The following APOLD1 variants were observed in gnomAD, a reference collection of about 807,000 sequenced individuals.
APOLD1 encodes the protein apolipoprotein L domain-containing protein 1.
In APOLD1, 22 loss-of-function variants were observed where a neutral mutation model predicts 15.3. The ratio of observed to expected loss-of-function variants is 1.44; its 90% CI spans 1.03 to 2.05. The LOEUF is 2.05. APOLD1 is among the 30% of genes most tolerant of loss of function. The pLI is 0.00. For missense variants in APOLD1, 394 were observed against 353.5 expected, an observed-to-expected ratio of 1.11 and a Z score of -0.92; for synonymous variants, 190 against 167.4, an observed-to-expected ratio of 1.13 and a Z score of -1.04.
At chr12:12,771,619 T>C (rs989729602) in intron 1 of APOLD1, 12 of 498,298 alleles carry the variant, frequency 2.4e-5, no homozygotes, top group Non-Finnish European at 4.4e-5. Flanking sequence ...TGTTCTTTGA[T>C]AATTTTCTGC....
intron 1 of APOLD1, among the ~76,000 whole-genome samples, chr12:12,740,774 C>T (rs112513071): frequency 2.6e-5 from 4 of 151,668 alleles, no homozygotes; most frequent in South Asian, 4.2e-4. Context: ...TGCCTCAAAA[C>T]GTAATATTTG....
intron 1 of APOLD1, among the ~76,000 whole-genome samples, chr12:12,775,352 T>C (rs1160264874): frequency 6.6e-6 from 1 of 152,174 alleles, no homozygotes; most frequent in Non-Finnish European, 1.5e-5. Flanking sequence ...AACTACTCTG[T>C]ATGAGACAGT....
intron 1 of APOLD1, among the ~76,000 whole-genome samples, chr12:12,778,938 A>G (rs1156791939): frequency 6.6e-6 from 1 of 152,142 alleles, no homozygotes; most frequent in Non-Finnish European, 1.5e-5. Flanking sequence ...AAAGCCTTCA[A>G]TGGCTCCCTC....
At chr12:12,770,498 A>T in intron 1 of APOLD1, among the ~76,000 whole-genome samples, 1 of 152,104 alleles carries the variant, frequency 6.6e-6, no homozygotes, top group African/African-American at 2.4e-5. Flanking sequence ...CATGCTGAGG[A>T]AAAAATCGCT....
intron 1 of APOLD1, among the ~76,000 whole-genome samples, chr12:12,743,680 C>T (rs1307850624): frequency 6.6e-6 from 1 of 152,154 alleles, no homozygotes; most frequent in Non-Finnish European, 1.5e-5. Flanking sequence ...ATTAAGGTTG[C>T]AAATGGAATT....
intron 1 of APOLD1, among the ~76,000 whole-genome samples, chr12:12,746,912 C>T (rs189044993): frequency 2.6e-5 from 4 of 152,190 alleles, no homozygotes; most frequent in South Asian, 2.1e-4. Flanking sequence ...TCTGTTCCTG[C>T]GTTAATTTGC....
At chr12:12,773,078 C>G (rs1450511315) in intron 1 of APOLD1, among the ~76,000 whole-genome samples, 1 of 150,932 alleles carries the variant, frequency 6.6e-6, no homozygotes, top group Non-Finnish European at 1.5e-5. Context: ...TATCCTGTCT[C>G]TAAAAAAGAA....
intron 1 of APOLD1, among the ~76,000 whole-genome samples, chr12:12,735,953 A>G (rs1168263274): frequency 1.3e-5 from 2 of 152,092 alleles, no homozygotes; most frequent in Admixed American, 6.6e-5. Context: ...TCTCTAAACT[A>G]AAATAAAATA....
intron 1 of APOLD1, among the ~76,000 whole-genome samples, chr12:12,756,419 T>G (rs1399646639): frequency 6.6e-6 from 1 of 152,236 alleles, no homozygotes; most frequent in Non-Finnish European, 1.5e-5. Context: ...CTCTTTTAAT[T>G]TGGTTAATCT....
chr12:12,789,927 C>A lies in APOLD1; in HGVS notation c.*2275C>A, dbSNP rs1209610935. Reference sequence around the variant, plus strand: ...CTATAAATTGCAATTGGTCTGTATGCTGGTTTATTTTGAAATTTATATTGG... The same window carrying A: ...CTATAAATTGCAATTGGTCTGTATGATGGTTTATTTTGAAATTTATATTGG... On this transcript the variant is annotated 3_prime_UTR_variant, in exon 2 of 2. Transcript: ENST00000356591. 2.6e-5 allele frequency: 4 copies of A among 151,504 alleles called. 1 individual carries two copies. In the South Asian group the frequency reaches 8.3e-4, roughly 31 times the overall value. 9.4% of individuals were successfully genotyped at this position (151,504 alleles called of 1,614,324 possible). A position where few individuals can be genotyped will look rare whatever the true frequency, so the allele number is the denominator to read the frequency against.
chr12:12,771,178 G>T (rs1231342695), intron 1 of APOLD1, among the ~76,000 whole-genome samples: 2 of 152,188 alleles, frequency 1.3e-5, no homozygotes, highest in Non-Finnish European at 2.9e-5. Flanking sequence ...CCGAGTCAGT[G>T]AAGATAAAAT....
intron 1 of APOLD1, among the ~76,000 whole-genome samples, chr12:12,765,505 C>A (rs1389549652): frequency 6.6e-6 from 1 of 152,208 alleles, no homozygotes; most frequent in Non-Finnish European, 1.5e-5. Flanking sequence ...GGTTATTAAA[C>A]ATTTAATTCA....
chr12:12,775,658 C>T (rs1035733088), intron 1 of APOLD1, among the ~76,000 whole-genome samples: 1 of 152,056 alleles, frequency 6.6e-6, no homozygotes, highest in Non-Finnish European at 1.5e-5. Flanking sequence ...CATTTTCTTA[C>T]CTAATTCAAG....
rs1279807024 is a variant in APOLD1, at chr12:12,744,090, T to C, written c.96+17994T>C. Among the ~76,000 whole-genome samples the C allele has an allele frequency of 4.6e-5, 7 of 151,914 alleles. No homozygotes were observed. In the East Asian group the frequency reaches 1.4e-3, roughly 29 times the overall value. On this transcript the variant is annotated intron_variant, in intron 1 of 1. Transcript: ENST00000326765. ...CAACACTTTGGGAGGCTGAGGCTGGTGGATCACTTGAGGTCAGGAGTTTGA... is the reference window on the plus strand; with the variant it reads ...CAACACTTTGGGAGGCTGAGGCTGGCGGATCACTTGAGGTCAGGAGTTTGA...
At chr12:12,771,210 ATTTTT>A in intron 1 of APOLD1, 1 of 156,082 alleles carries the variant, frequency 6.4e-6, no homozygotes, top group Non-Finnish European at 1.4e-5. Flanking sequence ...TATTTTTCTT[ATTTTT>A]AATTGCTCTA....
intron 1 of APOLD1, among the ~76,000 whole-genome samples, chr12:12,755,067 A>G (rs1329130527): frequency 6.6e-6 from 1 of 152,124 alleles, no homozygotes; most frequent in Middle Eastern, 3.4e-3. Context: ...AAATGAAGTT[A>G]TTGTTATTAA....
upstream of APOLD1, among the ~76,000 whole-genome samples, chr12:12,783,457 C>T (rs1409500939): frequency 1.3e-5 from 2 of 150,680 alleles, no homozygotes; most frequent in African/African-American, 4.9e-5. Flanking sequence ...ACTACAGGAG[C>T]ACGCCACCAC....
At chr12:12,782,418 A>G (rs1947088493), upstream of APOLD1, among the ~76,000 whole-genome samples, 1 of 152,164 alleles carries the variant, frequency 6.6e-6, no homozygotes, top group Non-Finnish European at 1.5e-5. Flanking sequence ...GAAGATTCCT[A>G]TGCTTAAAAA....
At position 12,787,234 on chromosome 12, in the gene APOLD1, T is replaced by A; in HGVS notation, c.329T>A (p.Ile110Asn). ...AVTITSDLSL[I>N]FCNSRELRRV... ...ACCATCACGTCCGATCTCTCGCTGA[T>A]CTTCTGCAACTCCCGGGAGCTGCGG... The change falls in exon 2 of 2, where the codon ATC (isoleucine) becomes AAC (asparagine). Residue 110 changes from isoleucine (I) to asparagine (N), a missense_variant. Transcript: ENST00000356591. This position sits in a 1 kb window ranked among gnomAD's most constrained non-coding sequence, Gnocchi z 4.9. The A allele has an allele frequency of 1.9e-6, 3 of 1,572,618 alleles. No homozygotes were observed. Among genetic ancestry groups the A allele is most frequent in the Non-Finnish European group, 2.6e-6 (3 of 1,164,662 alleles).
Sources: gnomAD v4.1 joint callset for allele counts (sites outside exome capture counted in the v4.1 genomes callset) on GRCh38, gnomAD v4.1.1 for gene constraint, Gnocchi (gnomAD v3.1) non-coding constraint, MANE v1.5 for transcripts, NCBI Gene and HGNC (gene_info 2026-07-23, HGNC 2026-07-21) for gene names.